Variants in SLC45A4 observed in about 807,000 individuals in gnomAD.
The protein encoded by SLC45A4 is solute carrier family 45 member 4, also known as polyamine-transporter SLC45A4.
Under a neutral mutation model 63.7 loss-of-function variants are expected in SLC45A4, and 32 were observed. The observed-to-expected ratio is 0.50, with a 90% CI of 0.38 to 0.67. The LOEUF (loss-of-function observed/expected upper bound fraction) is 0.67, where lower values mean the gene tolerates loss of function less well. Ranked by LOEUF, SLC45A4 falls within the 30% of genes least tolerant of loss-of-function variation. The pLI is 0.00. For missense variants in SLC45A4, 1,027 were observed against 1,157.7 expected, an observed-to-expected ratio of 0.89 and a Z score of 1.64; for synonymous variants, 535 against 510.0, an observed-to-expected ratio of 1.05 and a Z score of -0.66.
At chr8:141,238,427 C>T (rs28645241) in intron 2 of SLC45A4, among the ~76,000 whole-genome samples, 33,662 of 152,100 alleles carry the variant, frequency 0.22, 4,245 homozygotes, top group East Asian at 0.39. Flanking sequence ...CAGAGCGACG[C>T]CATCTTCCCA....
At chr8:141,223,951 T>A (rs1486735335) in intron 2 of SLC45A4, among the ~76,000 whole-genome samples, 2 of 152,014 alleles carry the variant, frequency 1.3e-5, no homozygotes. Flanking sequence ...TTCTGAAAAC[T>A]CTGACTTTTC....
intron 1 of SLC45A4, among the ~76,000 whole-genome samples, chr8:141,259,315 G>T (rs1015708230): frequency 6.6e-6 from 1 of 152,224 alleles, no homozygotes; most frequent in African/African-American, 2.4e-5. Context: ...GACCCAGCCC[G>T]CCAGTGATGG....
intron 1 of SLC45A4, among the ~76,000 whole-genome samples, chr8:141,305,941 C>A (rs929760184): frequency 6.6e-6 from 1 of 151,940 alleles, no homozygotes; most frequent in African/African-American, 2.4e-5. Flanking sequence ...TGCAGATCTG[C>A]GGGGCGGGCT....
intron 2 of SLC45A4, among the ~76,000 whole-genome samples, chr8:141,250,937 T>C (rs1429140984): frequency 6.6e-6 from 1 of 152,214 alleles, no homozygotes; most frequent in Non-Finnish European, 1.5e-5. Flanking sequence ...CTATAAAGTA[T>C]GAAAATTCCA....
chr8:141,297,679 C>CCA (rs1830608811), intron 1 of SLC45A4, among the ~76,000 whole-genome samples: 1 of 152,234 alleles, frequency 6.6e-6, no homozygotes, highest in Admixed American at 6.5e-5. Flanking sequence ...AGTGGCCATG[C>CCA]CACACACAGC....
chr8:141,277,032 G>C (rs1331813796), intron 1 of SLC45A4, among the ~76,000 whole-genome samples: 1 of 152,240 alleles, frequency 6.6e-6, no homozygotes, highest in African/African-American at 2.4e-5. Flanking sequence ...AGCAGCAAGG[G>C]AAGGCAGGCA....
intron 1 of SLC45A4, among the ~76,000 whole-genome samples, chr8:141,286,927 G>C: frequency 6.6e-6 from 1 of 152,110 alleles, no homozygotes; most frequent in Non-Finnish European, 1.5e-5. Context: ...GAGCTGCAGA[G>C]TTCTCTTGCT....
chr8:141,286,957 C>T (rs1274421124), intron 1 of SLC45A4, among the ~76,000 whole-genome samples: 1 of 152,124 alleles, frequency 6.6e-6, no homozygotes, highest in Non-Finnish European at 1.5e-5. Flanking sequence ...GGGGCTCCCT[C>T]CTGAACTCAT....
intron 2 of SLC45A4, among the ~76,000 whole-genome samples, chr8:141,240,016 T>C (rs1424909655): frequency 6.6e-6 from 1 of 152,220 alleles, no homozygotes; most frequent in Non-Finnish European, 1.5e-5. Context: ...AAGGCGAGCT[T>C]CCAGCTACAA....
At chr8:141,238,489 C>T (rs2154614443) in intron 2 of SLC45A4, among the ~76,000 whole-genome samples, 1 of 152,330 alleles carries the variant, frequency 6.6e-6, no homozygotes, top group Middle Eastern at 3.4e-3. Context: ...TCCCCCAGCC[C>T]CTGGCCTCCG....
chr8:141,236,837 T>C (rs1255147684), intron 2 of SLC45A4, among the ~76,000 whole-genome samples: 2 of 152,216 alleles, frequency 1.3e-5, no homozygotes, highest in Non-Finnish European at 1.5e-5. Context: ...AGAGAGCCAC[T>C]GGGCGGTGCC....
intron 2 of SLC45A4, among the ~76,000 whole-genome samples, chr8:141,234,091 T>G (rs1772901026): frequency 6.6e-6 from 1 of 152,230 alleles, no homozygotes; most frequent in Non-Finnish European, 1.5e-5. Context: ...TAGCGAATCG[T>G]CGCCAACATC....
chr8:141,274,314 A>G (rs1395439042), intron 1 of SLC45A4, among the ~76,000 whole-genome samples: 1 of 151,932 alleles, frequency 6.6e-6, no homozygotes, highest in Non-Finnish European at 1.5e-5. Context: ...CGGGTGGATC[A>G]CCCGAGGTCA....
chr8:141,290,807 G>C (rs1830318942), intron 1 of SLC45A4, among the ~76,000 whole-genome samples: 1 of 152,176 alleles, frequency 6.6e-6, no homozygotes, highest in Non-Finnish European at 1.5e-5. Flanking sequence ...GGGGGGCCTG[G>C]GGAGGATCTT....
chr8:141,296,472 C>T (rs1227961919), intron 1 of SLC45A4, among the ~76,000 whole-genome samples: 3 of 143,862 alleles, frequency 2.1e-5, no homozygotes, highest in African/African-American at 7.8e-5. Flanking sequence ...GCACTCCAGC[C>T]TGGGTGACAG....
chr8:141,228,613 G>A, intron 2 of SLC45A4: 1 of 1,099,666 alleles, frequency 9.1e-7, no homozygotes, highest in Non-Finnish European at 1.1e-6. Flanking sequence ...AACAGATGTT[G>A]CAACAAGCAA....
intron 2 of SLC45A4, among the ~76,000 whole-genome samples, chr8:141,233,078 C>A (rs1183073418): frequency 6.6e-6 from 1 of 152,216 alleles, no homozygotes; most frequent in Non-Finnish European, 1.5e-5. Context: ...GTGCTAAGTG[C>A]GCGTTAACTT....
intron 3 of SLC45A4, among the ~76,000 whole-genome samples, 180 bp downstream of exon 3, chr8:141,221,397 A>G (rs959168059): frequency 6.6e-6 from 1 of 152,260 alleles, no homozygotes; most frequent in African/African-American, 2.4e-5. Flanking sequence ...GCTTTCCCAC[A>G]TGGGGCCAGC....
chr8:141,210,863 A>G lies in SLC45A4; in HGVS notation c.*709T>C, dbSNP rs1825763309. On this transcript the variant is annotated 3_prime_UTR_variant, in exon 9 of 9. Transcript: ENST00000517878. The stretch of plus-strand genomic sequence containing the variant: ...TACACCGACCGTTTCAAATAGGCTT[A>G]GTTCTAAAGAGACTGTGGTTTGGAA... The G allele has an allele frequency of 6.6e-6, 1 of 152,238 alleles. No homozygotes were observed. The highest frequency in any genetic ancestry group is 2.4e-5 in the African/African-American group (1 of 41,452). 9.4% of individuals were successfully genotyped at this position (152,238 alleles called of 1,614,324 possible). A position where few individuals can be genotyped will look rare whatever the true frequency, so the allele number is the denominator to read the frequency against.
Sources: allele counts gnomAD v4.1 joint callset (sites outside exome capture counted in the v4.1 genomes callset), GRCh38; gene constraint gnomAD v4.1.1; transcripts MANE v1.5; gene names NCBI Gene and HGNC (gene_info 2026-07-23, HGNC 2026-07-21).